NBEAL1: variants seen among roughly 807,000 people sequenced by gnomAD.
NBEAL1 encodes neurobeachin-like protein 1.
NBEAL1 carries 273 observed loss-of-function variants against 351.3 expected under a neutral mutation model. The observed-to-expected ratio is 0.78, with a 90% CI of 0.70 to 0.86. The LOEUF (loss-of-function observed/expected upper bound fraction) is 0.86. Ranked by LOEUF, NBEAL1 falls within the 40% of genes least tolerant of loss-of-function variation. The pLI is 0.00. For synonymous variants in NBEAL1, 1,050 were observed against 1,086.4 expected, an observed-to-expected ratio of 0.97 and a Z score of 0.66; for missense variants, 2,961 against 3,201.3, an observed-to-expected ratio of 0.92 and a Z score of 1.81.
intron 2 of NBEAL1, among the ~76,000 whole-genome samples, chr2:203,032,292 G>T (rs927199484): frequency 6.6e-6 from 1 of 152,172 alleles, no homozygotes; most frequent in Non-Finnish European, 1.5e-5. Flanking sequence ...ATAAATGTTT[G>T]TTGGTTTAAG....
At chr2:203,067,175 T>C (rs2106123287) in intron 6 of NBEAL1, among the ~76,000 whole-genome samples, 1 of 152,392 alleles carries the variant, frequency 6.6e-6, no homozygotes, top group Non-Finnish European at 1.5e-5. Flanking sequence ...GAATTTTTTA[T>C]TTGAAACTCC....
At chr2:203,083,196 T>A in intron 8 of NBEAL1, 23 bp from the exon 9 acceptor site, 1 of 1,528,964 alleles carries the variant, frequency 6.5e-7, no homozygotes, top group Admixed American at 2.1e-5. Flanking sequence ...TAGGTTTCAT[T>A]TTTATTGTCT....
In NBEAL1 at chr2:203,148,917, A is replaced by T. The variant is rs550485852; in HGVS notation, c.5305-74A>T. ...AAGATTTTATTGGTCAAAAATTTTA[A>T]ATTATGGAATTAAAATGTAAATATA... On this transcript the variant is annotated intron_variant, in intron 33 of 55. Coordinates refer to ENST00000683969, the MANE Select transcript of NBEAL1 (RefSeq NM_001378026.1). 4.2e-5 allele frequency: 55 copies of T among 1,317,654 alleles called. No individual in the cohort carries two copies. In the African/African-American group the frequency reaches 7.9e-4, roughly 19 times the overall value. 81.6% of individuals were successfully genotyped at this position (1,317,654 alleles called of 1,614,324 possible).
intron 4 of NBEAL1, among the ~76,000 whole-genome samples, chr2:203,053,843 G>T (rs1289689787): frequency 6.6e-6 from 1 of 152,058 alleles, no homozygotes; most frequent in Non-Finnish European, 1.5e-5. Context: ...AATATTTTTT[G>T]ATAGTCTGCG....
Position 203,157,704 on chromosome 2 carries a change from C to T in NBEAL1, c.5593C>T (p.Gln1865Ter). The change falls in exon 36 of 56, where the codon CAA (glutamine) becomes TAA (stop). Residue 1865 changes from glutamine to a stop codon, truncating the protein, a stop_gained. Coordinates refer to ENST00000683969, the MANE Select transcript of NBEAL1 (RefSeq NM_001378026.1). LOFTEE classifies it high-confidence loss of function. ...ATATTTTGTGTTTAAAACAGGTATC[C>T]AACACTCACAGCCTTCCAGTGATAC... ...ASALRDNLGI[Q>*]HSQPSSDTLL... 1 of 1,578,530 alleles carries T rather than the reference C, an allele frequency of 6.3e-7. No homozygotes were observed. The highest frequency in any genetic ancestry group is 8.6e-7 in the Non-Finnish European group (1 of 1,166,772).
At chr2:203,198,279 C>T (rs186649393) in intron 48 of NBEAL1, among the ~76,000 whole-genome samples, 1 of 151,810 alleles carries the variant, frequency 6.6e-6, no homozygotes, top group Non-Finnish European at 1.5e-5. Flanking sequence ...TCACAAAGTG[C>T]CTGCGTTTTT....
chr2:203,190,305 G>A lies in NBEAL1; in HGVS notation c.6837G>A (p.Leu2279=). 2 of 1,609,190 alleles carry A rather than the reference G, an allele frequency of 1.2e-6. No individual in the cohort carries two copies. The highest frequency in any genetic ancestry group is 1.7e-6 in the Non-Finnish European group (2 of 1,178,824). ...TTCTGGTTTTAGGAGCTGTGGATCTGGATGCCTTAACAGATGAGAAAGAAA... is the reference window on the plus strand; with the variant it reads ...TTCTGGTTTTAGGAGCTGTGGATCTAGATGCCTTAACAGATGAGAAAGAAA... ...YYCSYEGAVD[L]DALTDEKERK... Residue 2279 remains leucine, a synonymous_variant, in exon 46 of 56, where the codon CTG becomes CTA. Transcript: ENST00000683969.
Position 203,166,222 on chromosome 2 carries a change from G to T in NBEAL1, c.5788G>T (p.Asp1930Tyr). The stretch of plus-strand genomic sequence containing the variant: ...AGACTGTGAACTCATTACAATAATT[G>T]ATGTAATTCCTGGCAGATTAGAAAT... ...MEDCELITII[D>Y]VIPGRLEITT... is the part of the protein sequence containing the mutation. The change falls in exon 37 of 56, where the codon GAT becomes TAT. Residue 1930 changes from aspartate (D) to tyrosine (Y), a missense_variant. Asp to Tyr is a radical substitution (Grantham distance 160, BLOSUM62 -3). Transcript: ENST00000683969. 6.2e-7 allele frequency: 1 copy of T among 1,609,926 alleles called. No individual in the cohort carries two copies. Among genetic ancestry groups the T allele is most frequent in the Non-Finnish European group, 8.5e-7 (1 of 1,177,896 alleles).
intron 2 of NBEAL1, among the ~76,000 whole-genome samples, chr2:203,027,717 T>C (rs952026819): frequency 6.6e-6 from 1 of 152,148 alleles, no homozygotes; most frequent in Non-Finnish European, 1.5e-5. Context: ...ATATGGACTT[T>C]CTGTTTTAAG....
intron 7 of NBEAL1, among the ~76,000 whole-genome samples, chr2:203,072,657 T>C (rs2061701520): frequency 6.6e-6 from 1 of 152,182 alleles, no homozygotes; most frequent in Non-Finnish European, 1.5e-5. Flanking sequence ...TTGAGCCAAG[T>C]TCTTTGCCAC....
chr2:203,039,184 C>T lies in NBEAL1; in HGVS notation c.52-2581C>T, dbSNP rs1168377190. Among the ~76,000 whole-genome samples, 5 of 88,228 alleles carry T rather than the reference C, an allele frequency of 5.7e-5. 1 individual carries two copies. The highest frequency in any genetic ancestry group is 1.2e-4 in the Non-Finnish European group (4 of 32,462). 57.9% of individuals were successfully genotyped at this position (88,228 alleles called of 152,430 possible). ...TTGTCCTGTCTTTTTTCTTTCCTTT[C>T]CTTTTCTTTCCTTTCCTTTCCTTTC... On this transcript the variant is annotated intron_variant, in intron 2 of 55. Transcript: ENST00000683969.
intron 38 of NBEAL1, among the ~76,000 whole-genome samples, chr2:203,169,255 T>G (rs1465919638): frequency 6.6e-6 from 1 of 151,962 alleles, no homozygotes; most frequent in Non-Finnish European, 1.5e-5. Context: ...GAAATTAGAT[T>G]AATAATTGTC....
chr2:203,051,312 G>C (rs1417509144), intron 4 of NBEAL1, among the ~76,000 whole-genome samples: 1 of 152,130 alleles, frequency 6.6e-6, no homozygotes, highest in African/African-American at 2.4e-5. Context: ...GGAAGGCCGA[G>C]GAGGTGGATC....
Position 203,172,721 on chromosome 2 carries a change from T to A in NBEAL1, c.6199-8T>A. 1 of 1,602,586 alleles carries A rather than the reference T, an allele frequency of 6.2e-7. No homozygotes were observed. Among genetic ancestry groups the A allele is most frequent in the Non-Finnish European group, 8.5e-7 (1 of 1,175,354 alleles). ...GAATGTCTAAATTGTAAATTATGGC[T>A]CTTTTAGTTTCCCTGGATTTTACAA... On this transcript the variant is annotated splice_polypyrimidine_tract_variant and splice_region_variant and intron_variant, in intron 40 of 55. Coordinates refer to ENST00000683969, the MANE Select transcript of NBEAL1 (RefSeq NM_001378026.1).
Position 203,126,723 on chromosome 2 carries a change from G to A in NBEAL1, c.3145+7G>A. The A allele has an allele frequency of 6.6e-7, 1 of 1,514,228 alleles. No homozygotes were observed. Among genetic ancestry groups the A allele is most frequent in the Non-Finnish European group, 8.8e-7 (1 of 1,131,530 alleles). 93.8% of individuals were successfully genotyped at this position (1,514,228 alleles called of 1,614,324 possible). A position where few individuals can be genotyped will look rare whatever the true frequency, so the allele number is the denominator to read the frequency against. On this transcript the variant is annotated splice_region_variant and intron_variant, in intron 22 of 55. Transcript: ENST00000683969. ...GATTTTCCCTTTCGAATCGGTGAGA[G>A]CAGGCTTTCAGATAAACATTTTATA...
chr2:203,052,191 T>A (rs2061334516), intron 4 of NBEAL1: 1 of 151,780 alleles, frequency 6.6e-6, no homozygotes, highest in Non-Finnish European at 1.5e-5. Flanking sequence ...CACCTATTCA[T>A]TCCTTACACA....
In NBEAL1 at chr2:203,208,703, C is replaced by T. The variant is rs1575133841; in HGVS notation, c.7573C>T (p.Leu2525=). ...TCTTTATGGACACACCAACGAGGTA[C>T]TGAGTGTCGGCATCAGCACTGAGCT... ...QILYGHTNEV[L]SVGISTELDM... is the part of the protein sequence containing the mutation. The change falls in exon 52 of 56, where the codon CTG becomes TTG. Residue 2525 remains leucine, a synonymous_variant. Coordinates refer to ENST00000683969, the MANE Select transcript of NBEAL1 (RefSeq NM_001378026.1). The T allele has an allele frequency of 6.2e-7, 1 of 1,612,598 alleles. No individual in the cohort carries two copies. Among genetic ancestry groups the T allele is most frequent in the South Asian group, 1.1e-5 (1 of 90,676 alleles).
Position 203,014,894 on chromosome 2 carries a change from TGCGG to T in NBEAL1, c.-316_-313del, listed in dbSNP as rs1223572000. On this transcript the variant is annotated 5_prime_UTR_variant, in exon 1 of 56. Coordinates refer to ENST00000683969, the MANE Select transcript of NBEAL1 (RefSeq NM_001378026.1). Reference sequence around the variant, plus strand: ...TGTCCCGCCCGCTCGTCTGCCTGGCTGCGGGGTGACACGGGGCTTCGCCTTGGGA... The same window carrying T: ...TGTCCCGCCCGCTCGTCTGCCTGGCTGGTGACACGGGGCTTCGCCTTGGGA... 2 of 152,420 alleles carry T rather than the reference TGCGG, an allele frequency of 1.3e-5. No individual in the cohort carries two copies. The highest frequency in any genetic ancestry group is 2.9e-5 in the Non-Finnish European group (2 of 68,274). 9.4% of individuals were successfully genotyped at this position (152,420 alleles called of 1,614,324 possible).
chr2:203,207,076 G>C (rs1343790844), intron 51 of NBEAL1, among the ~76,000 whole-genome samples: 1 of 147,904 alleles, frequency 6.8e-6, no homozygotes, highest in Non-Finnish European at 1.5e-5. Context: ...CTGTCGCCCC[G>C]TCCGGGATGT....
Sources: allele counts gnomAD v4.1 joint callset (sites outside exome capture counted in the v4.1 genomes callset), GRCh38; gene constraint gnomAD v4.1.1; transcripts MANE v1.5; gene names NCBI Gene and HGNC (gene_info 2026-07-23, HGNC 2026-07-21).